Variants in VTI1A observed in about 807,000 individuals in gnomAD.
VTI1A encodes the protein vesicle transport through interaction with t-SNAREs homolog 1A.
Under a neutral mutation model 34.9 loss-of-function variants are expected in VTI1A, and 22 were observed. The observed-to-expected ratio is 0.63, with a 90% CI of 0.45 to 0.90. The LOEUF is 0.90. Among genes scored for constraint, VTI1A ranks in the 40% least tolerant of loss-of-function variants. The pLI is 0.00. For missense variants in VTI1A, 268 were observed against 275.6 expected, an observed-to-expected ratio of 0.97 and a Z score of 0.20; for synonymous variants, 87 against 97.3, an observed-to-expected ratio of 0.89 and a Z score of 0.62.
chr10:112,658,633 C>T (rs1185286443), intron 5 of VTI1A, among the ~76,000 whole-genome samples: 1 of 151,996 alleles, frequency 6.6e-6, no homozygotes, highest in Non-Finnish European at 1.5e-5. Flanking sequence ...CAAAGAGTCA[C>T]AAACATCTAA....
intron 7 of VTI1A, among the ~76,000 whole-genome samples, chr10:112,670,453 G>A (rs926964038): frequency 2.6e-5 from 4 of 152,112 alleles, no homozygotes; most frequent in Non-Finnish European, 4.4e-5. Flanking sequence ...CGGGCTCTAC[G>A]TGGCTTTCAG....
chr10:112,768,558 G>C (rs1851712100), intron 7 of VTI1A, among the ~76,000 whole-genome samples: 1 of 152,086 alleles, frequency 6.6e-6, no homozygotes, highest in Admixed American at 6.6e-5. Flanking sequence ...ACCTCTATCT[G>C]TTCTGGTTCT....
At chr10:112,751,900 G>A (rs1851120804) in intron 7 of VTI1A, among the ~76,000 whole-genome samples, 1 of 152,168 alleles carries the variant, frequency 6.6e-6, no homozygotes, top group Non-Finnish European at 1.5e-5. Context: ...TTTGCTCAAC[G>A]GTGAATTCAC....
the VTI1A span, among the ~76,000 whole-genome samples, chr10:112,846,680 C>T: frequency 1.3e-5 from 2 of 150,840 alleles, no homozygotes; most frequent in Admixed American, 6.6e-5. Context: ...GCAGGAAAAT[C>T]GTGTGAACCC....
intron 5 of VTI1A, among the ~76,000 whole-genome samples, chr10:112,555,965 A>G (rs1334536768): frequency 6.6e-6 from 1 of 152,052 alleles, no homozygotes; most frequent in Non-Finnish European, 1.5e-5. Flanking sequence ...TACTGTTGTT[A>G]TTAATGTTTG....
At chr10:112,533,306 C>A (rs114188805) in intron 4 of VTI1A, among the ~76,000 whole-genome samples, 1 of 152,014 alleles carries the variant, frequency 6.6e-6, no homozygotes, top group Non-Finnish European at 1.5e-5. Context: ...ACACTATTCT[C>A]TTTGTTTAAT....
intron 3 of VTI1A, among the ~76,000 whole-genome samples, chr10:112,498,205 T>C (rs902869020): frequency 6.6e-6 from 1 of 152,204 alleles, no homozygotes; most frequent in Admixed American, 6.5e-5. Context: ...GACTGAAGAA[T>C]TGGTCTTTCT....
intron 5 of VTI1A, among the ~76,000 whole-genome samples, chr10:112,576,019 C>CTTTTTTTTTTTTTTTTTT (rs760363890): frequency 7.6e-6 from 1 of 131,294 alleles, no homozygotes; most frequent in Non-Finnish European, 1.7e-5. Flanking sequence ...CTTTTCTTTT[C>CTTTTTTTTTTTTTTTTTT]TTTTTTTTTT....
intron 7 of VTI1A, among the ~76,000 whole-genome samples, chr10:112,726,487 C>T (rs1420077828): frequency 1.3e-5 from 2 of 152,088 alleles, no homozygotes; most frequent in Admixed American, 1.3e-4. Context: ...CAGTCCTGGC[C>T]CCAGACCCAG....
chr10:112,704,765 G>A (rs2133907292), intron 7 of VTI1A, among the ~76,000 whole-genome samples: 1 of 152,260 alleles, frequency 6.6e-6, no homozygotes, highest in Non-Finnish European at 1.5e-5. Context: ...CTATAGTAGT[G>A]TGATTTAACT....
intron 5 of VTI1A, among the ~76,000 whole-genome samples, chr10:112,639,111 G>C (rs1040640165): frequency 1.1e-4 from 17 of 152,224 alleles, no homozygotes; most frequent in African/African-American, 3.4e-4. Context: ...GCAACAGACA[G>C]AAAGTTCAGA....
intron 3 of VTI1A, 28 bp downstream of exon 3, chr10:112,464,685 T>C (rs1847839363): frequency 6.3e-7 from 1 of 1,587,882 alleles, no homozygotes. Context: ...CTTTGTCATA[T>C]TTACTTTTTT....
At chr10:112,545,292 G>C (rs147134747) in intron 5 of VTI1A, among the ~76,000 whole-genome samples, 230 of 152,306 alleles carry the variant, frequency 1.5e-3, no homozygotes, top group African/African-American at 5.1e-3. Flanking sequence ...TGCCTTGTAG[G>C]GACAAATGGA....
At chr10:112,659,999 C>T (rs570198493) in intron 5 of VTI1A, among the ~76,000 whole-genome samples, 2 of 152,286 alleles carry the variant, frequency 1.3e-5, no homozygotes, top group East Asian at 1.9e-4. Context: ...TTTTTTAAAA[C>T]GTTATTCTGG....
chr10:112,668,249 T>C lies in VTI1A; in HGVS notation c.459T>C (p.Leu153=), dbSNP rs1182256752. ...EQIGQEMLEN[L]SHDREKIQRA... is the part of the protein sequence containing the mutation. Reference sequence around the variant, plus strand: ...TTGGTCAGGAGATGTTGGAAAACCTTAGTCATGACAGAGAAAAGATACAGC... The same window carrying C: ...TTGGTCAGGAGATGTTGGAAAACCTCAGTCATGACAGAGAAAAGATACAGC... Residue 153 remains leucine (L), a synonymous_variant, in exon 6 of 8, where the codon CTT becomes CTC. Coordinates refer to ENST00000393077, the MANE Select transcript of VTI1A (RefSeq NM_145206.4). The C allele has an allele frequency of 1.9e-6, 3 of 1,612,718 alleles. No homozygotes were observed. The highest frequency in any genetic ancestry group is 2.5e-6 in the Non-Finnish European group (3 of 1,179,094).
intron 4 of VTI1A, among the ~76,000 whole-genome samples, chr10:112,527,797 T>G (rs1850288664): frequency 6.6e-6 from 1 of 151,998 alleles, no homozygotes; most frequent in African/African-American, 2.4e-5. Context: ...ATACAGTTTC[T>G]TCTTAAAAGA....
intron 4 of VTI1A, among the ~76,000 whole-genome samples, chr10:112,528,173 T>G (rs938859588): frequency 6.6e-6 from 1 of 152,136 alleles, no homozygotes; most frequent in Non-Finnish European, 1.5e-5. Context: ...AATAGGATAG[T>G]GAAACCTAAT....
At chr10:112,536,773 T>C (rs1850638126) in intron 4 of VTI1A, among the ~76,000 whole-genome samples, 1 of 145,612 alleles carries the variant, frequency 6.9e-6, no homozygotes, top group South Asian at 2.4e-4. Flanking sequence ...CAAAAAAATT[T>C]CAAGGAAAGC....
Position 112,525,566 on chromosome 10 carries a change from G to A in VTI1A, c.265-1521G>A, listed in dbSNP as rs186454359. On this transcript the variant is annotated intron_variant, in intron 3 of 7. Coordinates refer to ENST00000393077, the MANE Select transcript of VTI1A (RefSeq NM_145206.4). ...TTTTTTCCCTAAAAAGCAAAGGAAT[G>A]TCTAGGTTTATTTATTTTTATTTCT... is the stretch of plus-strand genomic sequence containing the variant. 5.9e-5 allele frequency among the ~76,000 whole-genome samples: 9 copies of A among 152,276 alleles called. No individual in the cohort carries two copies. The East Asian group carries it at 1.7e-3, about 29-fold the overall frequency.
Sources: gnomAD v4.1 joint callset for allele counts (sites outside exome capture counted in the v4.1 genomes callset) on GRCh38, gnomAD v4.1.1 for gene constraint, MANE v1.5 for transcripts, NCBI Gene and HGNC (gene_info 2026-07-23, HGNC 2026-07-21) for gene names.